BMPR1A: variants seen among roughly 807,000 people sequenced by gnomAD.
BMPR1A encodes the protein bone morphogenetic protein receptor type-1A.
Under a neutral mutation model 66.0 loss-of-function variants are expected in BMPR1A, and 7 were observed. The observed-to-expected ratio is 0.11, with a 90% confidence interval of 0.06 to 0.20. The LOEUF is 0.20. Among genes scored for constraint, BMPR1A ranks in the 10% least tolerant of loss-of-function variants. The pLI, the probability that BMPR1A is intolerant of heterozygous loss-of-function variation, is 1.00. For missense variants in BMPR1A, 408 were observed against 669.1 expected, an observed-to-expected ratio of 0.61 and a Z score of 4.31; for synonymous variants, 200 against 229.7, an observed-to-expected ratio of 0.87 and a Z score of 1.17.
intron 1 of BMPR1A, among the ~76,000 whole-genome samples, chr10:86,819,541 C>T (rs560819097): frequency 5.1e-4 from 77 of 152,252 alleles, no homozygotes; most frequent in East Asian, 3.9e-4. Context: ...CCTCGTGATC[C>T]GCCCACTTCG....
At chr10:86,896,031 G>A (rs1843219637) in intron 5 of BMPR1A, among the ~76,000 whole-genome samples, 1 of 151,926 alleles carries the variant, frequency 6.6e-6, no homozygotes, top group African/African-American at 2.4e-5. Flanking sequence ...GCACACTCCT[G>A]TAATCCCAGC....
chr10:86,923,252 T>C, intron 11 of BMPR1A, 124 bp from the exon 12 acceptor site: 2 of 1,210,252 alleles, frequency 1.7e-6, no homozygotes, highest in Non-Finnish European at 2.3e-6. Flanking sequence ...TGAATCATAG[T>C]GTCTATATTT....
rs1589294315 is a variant in BMPR1A at position 86,925,303 on chromosome 10, GATT to G, written c.*1587_*1589del. On this transcript the variant is annotated 3_prime_UTR_variant, in exon 13 of 13. Transcript: ENST00000372037. ...TACATCAAGTGAGATAGTTTTATTT[GATT>G]ATAACATAAAATAAATGTGATTATA... 1 of 218,094 alleles carries G rather than the reference GATT, an allele frequency of 4.6e-6. No homozygotes were observed. Among genetic ancestry groups the G allele is most frequent in the Non-Finnish European group, 9.1e-6 (1 of 109,882 alleles). 13.5% of individuals were successfully genotyped at this position (218,094 alleles called of 1,614,324 possible). A position where few individuals can be genotyped will look rare whatever the true frequency, so the allele number is the denominator to read the frequency against.
intron 1 of BMPR1A, among the ~76,000 whole-genome samples, chr10:86,763,748 T>C (rs1283094354): frequency 6.6e-6 from 1 of 151,420 alleles, no homozygotes; most frequent in African/African-American, 2.4e-5. Context: ...AGATAGACTC[T>C]CAATTTTGAA....
chr10:86,913,630 G>C (rs886836744), intron 8 of BMPR1A, among the ~76,000 whole-genome samples: 1 of 152,012 alleles, frequency 6.6e-6, no homozygotes, highest in Non-Finnish European at 1.5e-5. Context: ...TGAATTTATA[G>C]GCTCTAGCAA....
chr10:86,779,415 ATTGT>A lies in BMPR1A; in HGVS notation c.-268+22499_-268+22502del, dbSNP rs1330595738. 1.4e-4 allele frequency among the ~76,000 whole-genome samples: 22 copies of A among 151,986 alleles called. 1 individual carries two copies. Among genetic ancestry groups the A allele is most frequent in the Non-Finnish European group, 1.5e-5 (1 of 68,010 alleles). ...CAGCACTTGTTACTTTTTAAATTGA[ATTGT>A]TTATCTTTTTCCCCGTTTGCCCATT... On this transcript the variant is annotated intron_variant, in intron 1 of 12. Coordinates refer to ENST00000372037, the MANE Select transcript of BMPR1A (RefSeq NM_004329.3).
chr10:86,778,441 C>A (rs1317878901), intron 1 of BMPR1A, among the ~76,000 whole-genome samples: 1 of 151,976 alleles, frequency 6.6e-6, no homozygotes, highest in East Asian at 1.9e-4. Context: ...CCGTGCCTGC[C>A]CTGCCGCTAG....
At chr10:86,770,541 T>G (rs1841240285) in intron 1 of BMPR1A, among the ~76,000 whole-genome samples, 1 of 152,128 alleles carries the variant, frequency 6.6e-6, no homozygotes, top group African/African-American at 2.4e-5. Context: ...TTTGTCTGCT[T>G]GTGATACAGA....
intron 1 of BMPR1A, among the ~76,000 whole-genome samples, chr10:86,815,738 C>T (rs75612126): frequency 0.019 from 2,834 of 152,306 alleles, 92 homozygotes; most frequent in African/African-American, 0.065. Context: ...CGGCCAAGTG[C>T]CTACCTGTGG....
chr10:86,898,250 T>C (rs11202250), intron 5 of BMPR1A, among the ~76,000 whole-genome samples: 17,900 of 151,424 alleles, frequency 0.12, 1,285 homozygotes, highest in African/African-American at 0.19. Context: ...ATATAACACA[T>C]ATATATATAA....
chr10:86,863,883 T>C lies in BMPR1A; in HGVS notation c.-152-11984T>C, dbSNP rs75794533. Among the ~76,000 whole-genome samples the C allele has an allele frequency of 6.2e-3, 944 of 152,338 alleles. 14 individuals carry two copies. Among genetic ancestry groups the C allele is most frequent in the African/African-American group, 0.021 (855 of 41,578 alleles). ...TAGTTACATAAGTGGAAATGATTGA[T>C]TTTTAAAAATTGCTTTTGCATTGTA... On this transcript the variant is annotated intron_variant, in intron 2 of 12. Coordinates refer to ENST00000372037, the MANE Select transcript of BMPR1A (RefSeq NM_004329.3).
chr10:86,804,792 G>GTTTTTTTTTTTTTTTTTTTTTTCTATTT (rs5786747), intron 1 of BMPR1A, among the ~76,000 whole-genome samples: 1 of 57,268 alleles, frequency 1.7e-5, no homozygotes, highest in Admixed American at 1.8e-4. Flanking sequence ...GTTTGTAGGT[G>GTTTTTTTTTTTTTTTTTTTTTTCTATTT]TTTTTTTTTT....
At chr10:86,772,493 A>G (rs1173151122) in intron 1 of BMPR1A, among the ~76,000 whole-genome samples, 1 of 152,140 alleles carries the variant, frequency 6.6e-6, no homozygotes, top group Non-Finnish European at 1.5e-5. Context: ...GACCTTGGGT[A>G]GGTGCTTGCA....
At chr10:86,774,670 T>C (rs1841317285) in intron 1 of BMPR1A, among the ~76,000 whole-genome samples, 1 of 152,218 alleles carries the variant, frequency 6.6e-6, no homozygotes, top group African/African-American at 2.4e-5. Context: ...TCACTTATCG[T>C]GTATTTGTAA....
intron 8 of BMPR1A, among the ~76,000 whole-genome samples, chr10:86,913,289 AT>A (rs36002213): frequency 1.1e-3 from 134 of 119,058 alleles, no homozygotes; most frequent in South Asian, 2.2e-3. Flanking sequence ...CACCAGGCTA[AT>A]TTTTTTTTTT....
chr10:86,759,966 A>G (rs951662235), intron 1 of BMPR1A, among the ~76,000 whole-genome samples: 17 of 87,214 alleles, frequency 1.9e-4, no homozygotes, highest in Admixed American at 1.3e-3. Flanking sequence ...TCCCCCCACC[A>G]CCCCGCGACT....
chr10:86,855,788 G>T, intron 2 of BMPR1A: 1 of 1,148,168 alleles, frequency 8.7e-7, no homozygotes, highest in Non-Finnish European at 1.2e-6. Flanking sequence ...AATACTTGTT[G>T]AATTTGGTCT....
chr10:86,921,492 C>T (rs762073295), intron 10 of BMPR1A, 28 bp from the exon 11 acceptor site: 3 of 1,613,264 alleles, frequency 1.9e-6, no homozygotes, highest in Admixed American at 1.7e-5. Context: ...TGGCCCTCAA[C>T]TTGGACCTTG....
chr10:86,929,300 T>C (rs1323352310), downstream of BMPR1A: 1 of 152,150 alleles, frequency 6.6e-6, no homozygotes, highest in Non-Finnish European at 1.5e-5. Flanking sequence ...CTGCTAGCAG[T>C]TCATGAGCTT....
Sources: gnomAD v4.1 joint callset for allele counts (sites outside exome capture counted in the v4.1 genomes callset) on GRCh38, gnomAD v4.1.1 for gene constraint, MANE v1.5 for transcripts, NCBI Gene and HGNC (gene_info 2026-07-23, HGNC 2026-07-21) for gene names.